Variants in AK7 observed in about 807,000 individuals in gnomAD.
The protein encoded by AK7 is adenylate kinase 7.
AK7 carries 78 observed loss-of-function variants against 96.6 expected under a neutral mutation model. The observed-to-expected ratio is 0.81, with a 90% CI of 0.67 to 0.97. The LOEUF is 0.97. Among genes scored for constraint, AK7 ranks in the 50% least tolerant of loss-of-function variants. AK7 has a pLI of 0.00. For synonymous variants in AK7, 302 were observed against 317.2 expected (o/e 0.95, Z 0.51); for missense variants, 855 against 887.9 (o/e 0.96, Z 0.47).
At chr14:96,428,912 T>C in intron 5 of AK7, among the ~76,000 whole-genome samples, 1 of 152,202 alleles carries the variant, frequency 6.6e-6, no homozygotes, top group Non-Finnish European at 1.5e-5. Flanking sequence ...ATTCCGTAGG[T>C]TGCCTGTTCA....
At chr14:96,425,480 A>ATTTTTTTTTTTTTTTTTTTTTTTTTT (rs35861988) in intron 5 of AK7, among the ~76,000 whole-genome samples, 1 of 119,142 alleles carries the variant, frequency 8.4e-6, no homozygotes. Flanking sequence ...AGTCACACTG[A>ATTTTTTTTTTTTTTTTTTTTTTTTTT]TTTTTTTTTT....
Position 96,420,812 on chromosome 14 carries a change from C to G in AK7, c.499-10C>G. The G allele has an allele frequency of 6.3e-7, 1 of 1,587,810 alleles. No individual in the cohort carries two copies. The highest frequency in any genetic ancestry group is 8.6e-7 in the Non-Finnish European group (1 of 1,159,064). On this transcript the variant is annotated splice_polypyrimidine_tract_variant and intron_variant, in intron 4 of 17. Coordinates refer to ENST00000267584, the MANE Select transcript of AK7 (RefSeq NM_152327.5). ...CCAAGTCTGTACCTTTTCTTTCTTTCTTATAATAGGAGGATTCTGAGGTTC... is the reference window on the plus strand; with the variant it reads ...CCAAGTCTGTACCTTTTCTTTCTTTGTTATAATAGGAGGATTCTGAGGTTC...
chr14:96,414,757 CTTT>C (rs10694621), intron 4 of AK7, among the ~76,000 whole-genome samples: 20 of 100,118 alleles, frequency 2.0e-4, no homozygotes, highest in Non-Finnish European at 2.3e-4. Flanking sequence ...AGGATTCCTT[CTTT>C]TTTTTTTTTT....
intron 7 of AK7, among the ~76,000 whole-genome samples, chr14:96,444,148 C>T (rs1893106762): frequency 6.6e-6 from 1 of 152,122 alleles, no homozygotes; most frequent in Admixed American, 6.5e-5. Context: ...GGGCCTCACG[C>T]AGCCCACAGG....
chr14:96,479,400 T>C (rs1405108030), intron 15 of AK7, among the ~76,000 whole-genome samples: 132 of 151,696 alleles, frequency 8.7e-4, no homozygotes, highest in South Asian at 4.2e-3. Context: ...TTTTTTTTTT[T>C]TAAAGAAATG....
At chr14:96,454,892 C>T (rs372289321) in intron 10 of AK7, among the ~76,000 whole-genome samples, 35 of 152,194 alleles carry the variant, frequency 2.3e-4, no homozygotes, top group African/African-American at 4.3e-4. Context: ...TGGCCAGGTG[C>T]GATGGCTCAC....
chr14:96,449,912 TA>T, intron 9 of AK7, 33 bp downstream of exon 9: 11 of 1,269,548 alleles, frequency 8.7e-6, no homozygotes, highest in Non-Finnish European at 1.2e-5. Flanking sequence ...TTTTTTTAAC[TA>T]TCTTTCTCAA....
chr14:96,471,462 T>C lies in AK7; in HGVS notation c.1358-16T>C, dbSNP rs1305906664. ...ATACATTATAAGTAATATATACATA[T>C]ATGTTTTTTTATCAGGTCAACTAGA... is the stretch of plus-strand genomic sequence containing the variant. On this transcript the variant is annotated splice_polypyrimidine_tract_variant and intron_variant, in intron 12 of 17. Coordinates refer to ENST00000267584, the MANE Select transcript of AK7 (RefSeq NM_152327.5). 3 of 1,324,196 alleles carry C rather than the reference T, an allele frequency of 2.3e-6. No individual in the cohort carries two copies. Among genetic ancestry groups the C allele is most frequent in the Admixed American group, 2.3e-5 (1 of 44,294 alleles). The allele number at this position is 1,324,196 out of a possible 1,614,324, so 82.0% of individuals were successfully genotyped here.
At position 96,470,995 on chromosome 14, in the gene AK7, C is replaced by A. The variant is rs532705126; in HGVS notation, c.1358-483C>A. Among the ~76,000 whole-genome samples, 7 of 152,278 alleles carry A rather than the reference C, an allele frequency of 4.6e-5. No homozygotes were observed. In the South Asian group the frequency reaches 1.2e-3, roughly 27 times the overall value. On this transcript the variant is annotated intron_variant, in intron 12 of 17. Transcript: ENST00000267584. ...TTCTTGCAGACAAGTTCACTGGGTT[C>A]TCCTACATTACTGTGCATTAGAATT...
intron 4 of AK7, among the ~76,000 whole-genome samples, chr14:96,418,598 A>G (rs1191960373): frequency 6.6e-6 from 1 of 152,084 alleles, no homozygotes; most frequent in African/African-American, 2.4e-5. Flanking sequence ...GGCTCACTGC[A>G]ACCTCAGCCT....
chr14:96,446,711 C>A (rs907046436), intron 8 of AK7, 104 bp downstream of exon 8: 7 of 928,220 alleles, frequency 7.5e-6, no homozygotes, highest in African/African-American at 6.5e-5. Context: ...GAGTCCGAGG[C>A]GGGTGGATCA....
chr14:96,435,348 AGC>A (rs1892577954), intron 5 of AK7, among the ~76,000 whole-genome samples: 2 of 152,162 alleles, frequency 1.3e-5, no homozygotes. Context: ...CCTTCAAGGC[AGC>A]AGGTTCCTTT....
At chr14:96,440,973 G>A (rs141167516) in intron 6 of AK7, among the ~76,000 whole-genome samples, 17 of 152,112 alleles carry the variant, frequency 1.1e-4, no homozygotes, top group African/African-American at 3.4e-4. Flanking sequence ...GACCAGCCTG[G>A]GCAACATGGT....
chr14:96,438,089 T>C (rs1892748473), intron 6 of AK7, among the ~76,000 whole-genome samples, 174 bp downstream of exon 6: 1 of 152,192 alleles, frequency 6.6e-6, no homozygotes, highest in African/African-American at 2.4e-5. Flanking sequence ...TATTAACTTG[T>C]ATTCACCACT....
At chr14:96,456,267 C>T in intron 10 of AK7, 80 bp from the exon 11 acceptor site, 2 of 1,271,288 alleles carry the variant, frequency 1.6e-6, no homozygotes, top group Admixed American at 2.4e-5. Context: ...AAAAAGCACT[C>T]CCCTGAAATA....
chr14:96,393,632 T>G (rs1241709699), intron 1 of AK7, among the ~76,000 whole-genome samples: 1 of 152,128 alleles, frequency 6.6e-6, no homozygotes, highest in Non-Finnish European at 1.5e-5. Flanking sequence ...TGTCAAAACT[T>G]CCCTCTTCTC....
intron 5 of AK7, 91 bp from the exon 6 acceptor site, chr14:96,437,744 G>C: frequency 1.1e-6 from 1 of 921,064 alleles, no homozygotes; most frequent in Non-Finnish European, 1.7e-6. Context: ...CGGAAGTTCT[G>C]AAAGTGCTCA....
intron 8 of AK7, among the ~76,000 whole-genome samples, chr14:96,449,215 G>A (rs1431789119): frequency 6.6e-6 from 1 of 151,688 alleles, no homozygotes; most frequent in Admixed American, 6.6e-5. Context: ...TAAATTCTGT[G>A]GGACACAGAC....
chr14:96,397,876 G>T (rs2139977121), intron 1 of AK7, among the ~76,000 whole-genome samples, 199 bp from the exon 2 acceptor site: 1 of 152,306 alleles, frequency 6.6e-6, no homozygotes, highest in South Asian at 2.1e-4. Context: ...TTCCTCATCT[G>T]TAAAATGGGG....
Sources: gnomAD v4.1 joint callset for allele counts (sites outside exome capture counted in the v4.1 genomes callset) on GRCh38, gnomAD v4.1.1 for gene constraint, MANE v1.5 for transcripts, NCBI Gene and HGNC (gene_info 2026-07-23, HGNC 2026-07-21) for gene names.